The following PCDHGA6 variants were observed in gnomAD, a reference collection of about 807,000 sequenced individuals.
PCDHGA6 encodes protocadherin gamma subfamily A, 6, also known as protocadherin gamma-A6.
In PCDHGA6, 41 loss-of-function variants were observed where a neutral mutation model predicts 60.6. The observed-to-expected ratio is 0.68, with a 90% CI of 0.53 to 0.88. The LOEUF is 0.88. Ranked by LOEUF, PCDHGA6 falls within the 40% of genes least tolerant of loss-of-function variation. The probability of loss-of-function intolerance (pLI) is 0.00; values close to 1 mark genes in which losing one functional copy is unlikely to be tolerated. For synonymous variants in PCDHGA6, 594 were observed against 524.4 expected (o/e 1.13, Z -1.81); for missense variants, 1,312 against 1,203.0 (o/e 1.09, Z -1.34).
At chr5:141,458,803 G>A (rs2098953701) in intron 1 of PCDHGA6, among the ~76,000 whole-genome samples, 2 of 152,130 alleles carry the variant, frequency 1.3e-5, no homozygotes, top group African/African-American at 4.8e-5. Flanking sequence ...TGTGATCTCA[G>A]CTCACTGCAA....
intron 1 of PCDHGA6, chr5:141,408,586 C>G: frequency 6.2e-7 from 1 of 1,613,976 alleles, no homozygotes; most frequent in Non-Finnish European, 8.5e-7. Context: ...ATGTTAATGA[C>G]CACGCCCCTC....
At chr5:141,376,832 G>A (rs1773425503) in intron 1 of PCDHGA6, 3 of 257,250 alleles carry the variant, frequency 1.2e-5, no homozygotes, top group South Asian at 6.2e-5. Flanking sequence ...GACTACAGGC[G>A]CCCGCCACCG....
intron 1 of PCDHGA6, among the ~76,000 whole-genome samples, chr5:141,405,652 G>GT (rs1479754913): frequency 6.6e-6 from 1 of 152,034 alleles, no homozygotes; most frequent in Non-Finnish European, 1.5e-5. Flanking sequence ...TTTTTTGTGT[G>GT]TTTTTAGTAG....
In PCDHGA6 at chr5:141,512,385, A is replaced by G. The variant is rs78180647; in HGVS notation, c.*1212A>G. 6,750 of 152,704 alleles carry G rather than the reference A, an allele frequency of 0.044. 413 individuals carry two copies. Among genetic ancestry groups the G allele is most frequent in the Admixed American group, 0.18 (2,745 of 15,296 alleles). The allele number at this position is 152,704 out of a possible 1,614,324, so 9.5% of individuals were successfully genotyped here. ...TAGGGCAGGGACCAAATGAACAGAAAGTCTCAGCCCAGGATGGGGCTTCTT... is the reference window on the plus strand; with the variant it reads ...TAGGGCAGGGACCAAATGAACAGAAGGTCTCAGCCCAGGATGGGGCTTCTT... On this transcript the variant is annotated 3_prime_UTR_variant, in exon 4 of 4. Coordinates refer to ENST00000517434, the MANE Select transcript of PCDHGA6 (RefSeq NM_018919.3).
chr5:141,433,389 A>G (rs1157605590), intron 1 of PCDHGA6, among the ~76,000 whole-genome samples: 2 of 151,108 alleles, frequency 1.3e-5, no homozygotes, highest in African/African-American at 2.4e-5. Context: ...CTATCTATCT[A>G]TCTATCTATC....
chr5:141,491,284 A>C lies in PCDHGA6; in HGVS notation c.2425-3523A>C. ...AATGCCCAAATCCAGTGACTTCCTC[A>C]TACACCCTCCTGAGCGTTCAGACCT... On this transcript the variant is annotated intron_variant, in intron 1 of 3. Transcript: ENST00000517434. The surrounding 1 kb of genome is among the most constrained non-coding windows in gnomAD (Gnocchi z 6.9). 1.2e-6 allele frequency: 2 copies of C among 1,614,128 alleles called. No homozygotes were observed. The highest frequency in any genetic ancestry group is 1.7e-6 in the Non-Finnish European group (2 of 1,179,978).
chr5:141,499,635 A>C (rs578081078), intron 2 of PCDHGA6, among the ~76,000 whole-genome samples: 16 of 152,136 alleles, frequency 1.1e-4, no homozygotes, highest in African/African-American at 3.6e-4. Context: ...CTTTTGAAGC[A>C]AATCTCAGAC....
intron 1 of PCDHGA6, chr5:141,441,037 A>G (rs1318122240): frequency 6.6e-6 from 1 of 152,194 alleles, no homozygotes; most frequent in Admixed American, 6.5e-5. Context: ...GAAAACTTTA[A>G]GTACATTGGA....
Position 141,491,713 on chromosome 5 carries a change from G to A in PCDHGA6, c.2425-3094G>A. On this transcript the variant is annotated intron_variant, in intron 1 of 3. Transcript: ENST00000517434. This position sits in a 1 kb window ranked among gnomAD's most constrained non-coding sequence, Gnocchi z 6.9. ...GGAGCGGAGCCAGGTGAGGGGCTCG[G>A]CGCCGCCCCGGGCGACCCCTGGGGG... The A allele has an allele frequency of 1.9e-6, 3 of 1,609,174 alleles. No individual in the cohort carries two copies. Among genetic ancestry groups the A allele is most frequent in the Non-Finnish European group, 2.5e-6 (3 of 1,178,054 alleles).
chr5:141,377,938 A>T (rs1447195904), intron 1 of PCDHGA6: 1 of 152,228 alleles, frequency 6.6e-6, no homozygotes, highest in Non-Finnish European at 1.5e-5. Flanking sequence ...ACTGCTGCTT[A>T]TAGAGTGTGT....
chr5:141,393,984 C>T (rs1176875822), intron 1 of PCDHGA6: 1 of 1,613,570 alleles, frequency 6.2e-7, no homozygotes, highest in Non-Finnish European at 8.5e-7. Flanking sequence ...TGATAATTTA[C>T]CTTTTAAATT....
intron 1 of PCDHGA6, chr5:141,404,741 GACT>G: frequency 6.2e-7 from 1 of 1,614,072 alleles, no homozygotes; most frequent in Non-Finnish European, 8.5e-7. Flanking sequence ...AGTGGACAGA[GACT>G]CAGGCCAGAA....
At chr5:141,497,464 T>G (rs1277760390) in intron 2 of PCDHGA6, among the ~76,000 whole-genome samples, 1 of 151,764 alleles carries the variant, frequency 6.6e-6, no homozygotes, top group Non-Finnish European at 1.5e-5. Flanking sequence ...CTTGGAGATA[T>G]GGAGGAGAAG....
At chr5:141,386,096 G>C (rs1029162742) in intron 1 of PCDHGA6, 7 of 152,214 alleles carry the variant, frequency 4.6e-5, no homozygotes, top group African/African-American at 1.7e-4. Flanking sequence ...CAGATGAAGT[G>C]TGTCTGTGGG....
At chr5:141,501,312 C>T (rs2099807672) in intron 2 of PCDHGA6, among the ~76,000 whole-genome samples, 1 of 151,778 alleles carries the variant, frequency 6.6e-6, no homozygotes, top group South Asian at 2.1e-4. Context: ...CACACACACA[C>T]ACACACACAC....
Position 141,443,030 on chromosome 5 carries a change from C to A in PCDHGA6, c.2425-51777C>A, listed in dbSNP as rs147317486. ...ATATGACTAATGGAAGTTGCCAGAC[C>A]TAAACTTTGAAAATTATTGTTCCAC... On this transcript the variant is annotated intron_variant, in intron 1 of 3. Transcript: ENST00000517434. Among the ~76,000 whole-genome samples, 31 of 152,290 alleles carry A rather than the reference C, an allele frequency of 2.0e-4. No individual in the cohort carries two copies. The East Asian group carries it at 3.5e-3, about 17-fold the overall frequency.
chr5:141,388,434 G>A (rs767784412), intron 1 of PCDHGA6: 3 of 1,613,878 alleles, frequency 1.9e-6, no homozygotes, highest in Non-Finnish European at 2.5e-6. Flanking sequence ...GATAAATAAA[G>A]AGAAATCAGA....
At chr5:141,423,722 GT>G in intron 1 of PCDHGA6, 1 of 954,176 alleles carries the variant, frequency 1.0e-6, no homozygotes, top group Admixed American at 5.1e-5. Flanking sequence ...TTAAGGAGAT[GT>G]TTTTTGAGCC....
intron 2 of PCDHGA6, 35 bp from the exon 3 acceptor site, chr5:141,505,358 G>A (rs1156448862): frequency 6.2e-7 from 1 of 1,613,796 alleles, no homozygotes; most frequent in Non-Finnish European, 8.5e-7. Context: ...GTGCCGGCCT[G>A]GGAGTCTGTG....
Sources: gnomAD v4.1 joint callset for allele counts (sites outside exome capture counted in the v4.1 genomes callset) on GRCh38, gnomAD v4.1.1 for gene constraint, Gnocchi (gnomAD v3.1) non-coding constraint, MANE v1.5 for transcripts, NCBI Gene and HGNC (gene_info 2026-07-23, HGNC 2026-07-21) for gene names.